The following TIGIT variants were observed in gnomAD, a reference collection of about 807,000 sequenced individuals.
The protein encoded by TIGIT is T-cell immunoreceptor with Ig and ITIM domains.
Under a neutral mutation model 19.6 loss-of-function variants are expected in TIGIT, and 11 were observed. That is an observed-to-expected ratio of 0.56 (90% CI 0.35 to 0.93). TIGIT has a LOEUF of 0.93. Ranked by LOEUF, TIGIT falls within the 40% of genes least tolerant of loss-of-function variation. TIGIT has a pLI of 0.01. For synonymous variants in TIGIT, 130 were observed against 125.5 expected (o/e 1.04, Z -0.24); for missense variants, 295 against 303.9 (o/e 0.97, Z 0.22).
chr3:114,302,451 A>T (rs2078498619), intron 3 of TIGIT, among the ~76,000 whole-genome samples: 1 of 152,278 alleles, frequency 6.6e-6, no homozygotes, highest in South Asian at 2.1e-4. Context: ...TTGATTATGT[A>T]TGTAAGCAAT....
intron 3 of TIGIT, among the ~76,000 whole-genome samples, chr3:114,303,641 A>ATG (rs1560033746): frequency 4.5e-5 from 6 of 134,244 alleles, no homozygotes; most frequent in Non-Finnish European, 8.1e-5. Flanking sequence ...ACACACACAC[A>ATG]CACACACACA....
At position 114,307,997 on chromosome 3, in the gene TIGIT, G is replaced by A; in HGVS notation, c.601G>A (p.Val201Ile). The change falls in exon 4 of 4, where the codon GTC (valine) becomes ATC (isoleucine). Residue 201 changes from valine (V) to isoleucine (I), a missense_variant. Transcript: ENST00000383671. ...TGCTCCCTCACCCCCAGGAAGCTGTGTCCAGGCAGAAGCTGCACCTGCTGG... is the reference window on the plus strand; with the variant it reads ...TGCTCCCTCACCCCCAGGAAGCTGTATCCAGGCAGAAGCTGCACCTGCTGG... ...PSAPSPPGSC[V>I]QAEAAPAGLC... is the part of the protein sequence containing the mutation. The A allele has an allele frequency of 1.9e-6, 3 of 1,614,156 alleles. No homozygotes were observed. The highest frequency in any genetic ancestry group is 2.5e-6 in the Non-Finnish European group (3 of 1,180,024).
intron 2 of TIGIT, among the ~76,000 whole-genome samples, chr3:114,296,356 T>C (rs1379111598): frequency 6.6e-6 from 1 of 152,234 alleles, no homozygotes; most frequent in Non-Finnish European, 1.5e-5. Flanking sequence ...CTCATATTTG[T>C]TATCCACCTG....
chr3:114,305,863 T>TA (rs1369235154), intron 3 of TIGIT, among the ~76,000 whole-genome samples: 35 of 149,038 alleles, frequency 2.3e-4, no homozygotes, highest in Non-Finnish European at 3.3e-4. Context: ...GATGGATGGA[T>TA]GGATAGATAG....
intron 2 of TIGIT, among the ~76,000 whole-genome samples, chr3:114,298,458 C>T (rs777458300): frequency 1.3e-5 from 2 of 152,196 alleles, no homozygotes; most frequent in Non-Finnish European, 2.9e-5. Context: ...AGGCCTAACC[C>T]TGCCTCCAAT....
chr3:114,295,520 A>C (rs779615797), intron 1 of TIGIT, 25 bp from the exon 2 acceptor site: 2 of 1,589,582 alleles, frequency 1.3e-6, no homozygotes, highest in Admixed American at 3.4e-5. Context: ...CCCAGGACTC[A>C]CATGTGCTTC....
chr3:114,309,873 T>C lies in TIGIT; in HGVS notation c.*1742T>C, dbSNP rs1248295240. 9 of 152,126 alleles carry C rather than the reference T, an allele frequency of 5.9e-5. No homozygotes were observed. The highest frequency in any genetic ancestry group is 2.2e-4 in the African/African-American group (9 of 41,422). The allele number at this position is 152,126 out of a possible 1,614,324, so 9.4% of individuals were successfully genotyped here. ...TGGGTGTTATTTAACATAATTATGGTAATTGGGAAACATTTATAAACACTA... is the reference window on the plus strand; with the variant it reads ...TGGGTGTTATTTAACATAATTATGGCAATTGGGAAACATTTATAAACACTA... On this transcript the variant is annotated 3_prime_UTR_variant, in exon 4 of 4. Coordinates refer to ENST00000383671, the MANE Select transcript of TIGIT (RefSeq NM_173799.4).
chr3:114,300,145 G>C (rs1395007756), intron 3 of TIGIT, among the ~76,000 whole-genome samples: 1 of 152,200 alleles, frequency 6.6e-6, no homozygotes, highest in Non-Finnish European at 1.5e-5. Flanking sequence ...AAAATGTAGG[G>C]TTAGGCCAGG....
chr3:114,294,065 C>G lies in TIGIT; in HGVS notation c.4C>G (p.Arg2Gly), dbSNP rs977245811. The change falls in exon 1 of 4, where the codon CGC (arginine) becomes GGC (glycine). Residue 2 changes from arginine (R) to glycine (G), a missense_variant. Coordinates refer to ENST00000383671, the MANE Select transcript of TIGIT (RefSeq NM_173799.4). MRWCLLLIWAQG... is the reference protein window; with the variant it reads MGWCLLLIWAQG... ...TGTAGGCCCTCTGGGCAGAAGCATG[C>G]GCTGGTGTCTCCTCCTGATCTGGGC... 3.2e-6 allele frequency: 5 copies of G among 1,552,522 alleles called. No individual in the cohort carries two copies. Among genetic ancestry groups the G allele is most frequent in the Non-Finnish European group, 4.4e-6 (5 of 1,147,266 alleles).
rs931251919 is a variant in TIGIT at position 114,308,905 on chromosome 3, T to G, written c.*774T>G. On this transcript the variant is annotated 3_prime_UTR_variant, in exon 4 of 4. Transcript: ENST00000383671. Reference sequence around the variant, plus strand: ...AAAGAAGGCCCTGGCACCAAGGGAGTCAGCAAACTTCAGATTTTATTCTCT... The same window carrying G: ...AAAGAAGGCCCTGGCACCAAGGGAGGCAGCAAACTTCAGATTTTATTCTCT... 1.3e-5 allele frequency: 2 copies of G among 151,990 alleles called. No homozygotes were observed. Among genetic ancestry groups the G allele is most frequent in the Admixed American group, 6.6e-5 (1 of 15,262 alleles). 9.4% of individuals were successfully genotyped at this position (151,990 alleles called of 1,614,324 possible). A position where few individuals can be genotyped will look rare whatever the true frequency, so the allele number is the denominator to read the frequency against.
chr3:114,301,982 A>G (rs2078495624), intron 3 of TIGIT, among the ~76,000 whole-genome samples: 1 of 152,222 alleles, frequency 6.6e-6, no homozygotes, highest in South Asian at 2.1e-4. Context: ...GGACACCACA[A>G]GGAGGAGTAG....
chr3:114,304,920 A>G (rs2078521167), intron 3 of TIGIT, among the ~76,000 whole-genome samples: 1 of 152,180 alleles, frequency 6.6e-6, no homozygotes, highest in Admixed American at 6.5e-5. Context: ...AAATTTACCT[A>G]GGCTTAGAAT....
intron 1 of TIGIT, 67 bp downstream of exon 1, chr3:114,294,189 GTGC>G: frequency 7.4e-7 from 1 of 1,347,684 alleles, no homozygotes; most frequent in Non-Finnish European, 1.0e-6. Context: ...GGAGACTTGG[GTGC>G]TTGTGTAGGG....
chr3:114,301,916 T>C (rs1031170545), intron 3 of TIGIT, among the ~76,000 whole-genome samples: 12 of 152,232 alleles, frequency 7.9e-5, no homozygotes, highest in Admixed American at 7.8e-4. Context: ...GTACTCAAAC[T>C]GGGTTGTTTG....
At chr3:114,295,363 C>T (rs1402366081) in intron 1 of TIGIT, among the ~76,000 whole-genome samples, 182 bp from the exon 2 acceptor site, 5 of 152,006 alleles carry the variant, frequency 3.3e-5, no homozygotes, top group African/African-American at 4.8e-5. Context: ...TGGAGAGGAG[C>T]GTCTCTTGAA....
chr3:114,306,080 G>T (rs1257142931), intron 3 of TIGIT, among the ~76,000 whole-genome samples: 1 of 152,068 alleles, frequency 6.6e-6, no homozygotes, highest in Non-Finnish European at 1.5e-5. Flanking sequence ...AAGGCTAAGG[G>T]CCTGAAAACC....
chr3:114,294,207 C>G, intron 1 of TIGIT, 85 bp downstream of exon 1: 2 of 1,068,160 alleles, frequency 1.9e-6, no homozygotes, highest in Non-Finnish European at 2.7e-6. Flanking sequence ...GTAGGGAAGA[C>G]TCCAAGAGCA....
intron 2 of TIGIT, among the ~76,000 whole-genome samples, chr3:114,297,227 C>G (rs987984690): frequency 6.6e-6 from 1 of 152,124 alleles, no homozygotes; most frequent in Non-Finnish European, 1.5e-5. Flanking sequence ...TCTGGAATTG[C>G]ACTGTCTGGG....
At chr3:114,307,221 C>G (rs1346253064) in intron 3 of TIGIT, among the ~76,000 whole-genome samples, 1 of 152,174 alleles carries the variant, frequency 6.6e-6, no homozygotes, top group Admixed American at 6.5e-5. Context: ...CAATTTGAGT[C>G]TGAGCTTGCC....
Sources: gnomAD v4.1 joint callset for allele counts (sites outside exome capture counted in the v4.1 genomes callset) on GRCh38, gnomAD v4.1.1 for gene constraint, MANE v1.5 for transcripts, NCBI Gene and HGNC (gene_info 2026-07-23, HGNC 2026-07-21) for gene names.